UGT2B11: variants seen among roughly 807,000 people sequenced by gnomAD.
The protein encoded by UGT2B11 is UDP glucuronosyltransferase family 2 member B11.
Under a neutral mutation model 51.7 loss-of-function variants are expected in UGT2B11, and 49 were observed. That is an observed-to-expected ratio of 0.95 (90% CI 0.75 to 1.20). The LOEUF is 1.20. UGT2B11 is among the 50% of genes most tolerant of loss of function. UGT2B11 has a pLI of 0.00. For synonymous variants in UGT2B11, 273 were observed against 209.0 expected (o/e 1.31, Z -2.64); for missense variants, 810 against 622.1 (o/e 1.30, Z -3.21).
At chr4:69,213,970 A>C (rs1722167163) in intron 1 of UGT2B11, 32 bp downstream of exon 1, 1 of 1,526,704 alleles carries the variant, frequency 6.6e-7, no homozygotes, top group African/African-American at 1.4e-5. Flanking sequence ...AATAAGTTAG[A>C]TCTTCACGTT....
chr4:69,217,566 A>G (rs565731623), upstream of UGT2B11, among the ~76,000 whole-genome samples: 146 of 152,192 alleles, frequency 9.6e-4, 1 homozygote, highest in Non-Finnish European at 1.3e-3. Context: ...GTCTCAGAAC[A>G]GCACTGCTGA....
chr4:69,217,453 GCATGCAT>G (rs1263653014), upstream of UGT2B11, among the ~76,000 whole-genome samples: 1 of 152,118 alleles, frequency 6.6e-6, no homozygotes, highest in African/African-American at 2.4e-5. Flanking sequence ...GTCCTTGAGT[GCATGCAT>G]TATGTGTCAC....
At chr4:69,210,769 A>G (rs1245416221) in intron 2 of UGT2B11, among the ~76,000 whole-genome samples, 1 of 151,618 alleles carries the variant, frequency 6.6e-6, no homozygotes, top group East Asian at 1.9e-4. Context: ...TGCATTAAAC[A>G]GAGATACTGA....
At chr4:69,222,137 TC>T in the UGT2B11 span, among the ~76,000 whole-genome samples, 34 of 152,398 alleles carry the variant, frequency 2.2e-4, no homozygotes, top group Middle Eastern at 3.4e-3. Context: ...GGCCTGTTCC[TC>T]TTGGTCCCTG....
intron 3 of UGT2B11, 51 bp from the exon 4 acceptor site, chr4:69,205,618 T>C: frequency 1.3e-6 from 2 of 1,566,256 alleles, no homozygotes; most frequent in Non-Finnish European, 1.8e-6. Flanking sequence ...TCAAAAATTA[T>C]AGAATGTTAG....
At chr4:69,218,212 T>A (rs1381588399), upstream of UGT2B11, among the ~76,000 whole-genome samples, 5 of 152,114 alleles carry the variant, frequency 3.3e-5, no homozygotes, top group East Asian at 9.7e-4. Context: ...AGTCTACTTC[T>A]TGGAGCCACC....
At chr4:69,217,526 C>A (rs1425928983), upstream of UGT2B11, among the ~76,000 whole-genome samples, 3 of 152,000 alleles carry the variant, frequency 2.0e-5, no homozygotes, top group Non-Finnish European at 4.4e-5. Flanking sequence ...AAGTGATTAA[C>A]AACTGACATA....
intron 3 of UGT2B11, chr4:69,205,840 G>C (rs1269902254): frequency 1.2e-5 from 4 of 330,534 alleles, no homozygotes; most frequent in African/African-American, 2.2e-5. Context: ...CTTTTTAAAA[G>C]AAGACCTACC....
upstream of UGT2B11, among the ~76,000 whole-genome samples, chr4:69,216,945 C>T (rs1358284641): frequency 2.0e-5 from 3 of 151,870 alleles, no homozygotes; most frequent in African/African-American, 4.8e-5. Context: ...TCAAATAGAC[C>T]GTCTTCATTT....
At chr4:69,220,431 T>G in the UGT2B11 span, among the ~76,000 whole-genome samples, 1 of 126,146 alleles carries the variant, frequency 7.9e-6, no homozygotes, top group Admixed American at 8.0e-5. Flanking sequence ...AGTGCTCTGG[T>G]GGTGACTCTC....
rs192052646 is a variant in UGT2B11, at chr4:69,200,664, G to A, written c.1366C>T (p.Pro456Ser). 2.1e-5 allele frequency: 34 copies of A among 1,612,070 alleles called. No individual in the cohort carries two copies. In the East Asian group the frequency reaches 6.9e-4, roughly 33 times the overall value. Residue 456 changes from proline (P) to serine (S), a missense_variant, in exon 6 of 6, where the codon CCC (proline) becomes TCC (serine). By Grantham distance (74) the Pro-to-Ser change is moderately conservative (BLOSUM62 -1). Transcript: ENST00000446444. The part of the protein sequence containing the change: ...SRIQHDQPVK[P>S]LDRAVFWIEF... The stretch of plus-strand genomic sequence containing the variant: ...ATCCAGAAGACTGCTCGATCCAGGG[G>A]CTTTACTGGTTGATCATGTTGAATT...
chr4:69,220,948 G>A, the UGT2B11 span, among the ~76,000 whole-genome samples: 9 of 152,068 alleles, frequency 5.9e-5, no homozygotes, highest in African/African-American at 9.7e-5. Flanking sequence ...TTTAATTCTC[G>A]TGATAATTTA....
the UGT2B11 span, among the ~76,000 whole-genome samples, chr4:69,221,166 C>A: frequency 6.6e-6 from 1 of 152,118 alleles, no homozygotes; most frequent in Admixed American, 6.6e-5. Context: ...GCCATTTAGG[C>A]ATGATAGGCT....
chr4:69,224,675 T>C, the UGT2B11 span, among the ~76,000 whole-genome samples: 1 of 152,012 alleles, frequency 6.6e-6, no homozygotes, highest in Non-Finnish European at 1.5e-5. Context: ...CCAAAGGTTC[T>C]TGCCTTAGCC....
intron 5 of UGT2B11, 158 bp downstream of exon 5, chr4:69,204,272 A>T (rs1485719051): frequency 1.6e-6 from 2 of 1,212,466 alleles, no homozygotes; most frequent in South Asian, 1.8e-5. Flanking sequence ...CACAATTTTT[A>T]AATAATAGAT....
intron 3 of UGT2B11, among the ~76,000 whole-genome samples, chr4:69,205,844 A>T (rs549769027): frequency 6.6e-6 from 1 of 151,896 alleles, no homozygotes; most frequent in South Asian, 2.1e-4. Context: ...TTAAAAGAAG[A>T]CCTACCTGCA....
intron 2 of UGT2B11, among the ~76,000 whole-genome samples, chr4:69,211,978 T>C (rs964881112): frequency 6.6e-6 from 1 of 151,536 alleles, no homozygotes; most frequent in Non-Finnish European, 1.5e-5. Flanking sequence ...AGAACTGTCC[T>C]GACCACTTTA....
intron 2 of UGT2B11, 124 bp downstream of exon 2, chr4:69,212,449 G>A: frequency 2.0e-6 from 3 of 1,498,294 alleles, no homozygotes; most frequent in Non-Finnish European, 2.7e-6. Context: ...ATTAGTATCT[G>A]CTTTACACCA....
chr4:69,206,299 A>G (rs1484691263), intron 3 of UGT2B11, among the ~76,000 whole-genome samples: 2 of 151,720 alleles, frequency 1.3e-5, no homozygotes, highest in Non-Finnish European at 2.9e-5. Flanking sequence ...CAGCCATAAA[A>G]AAAACAAAAA....
Sources: allele counts gnomAD v4.1 joint callset (sites outside exome capture counted in the v4.1 genomes callset), GRCh38; gene constraint gnomAD v4.1.1; transcripts MANE v1.5; gene names NCBI Gene and HGNC (gene_info 2026-07-23, HGNC 2026-07-21).